GRIN2A: variants seen among roughly 807,000 people sequenced by gnomAD.
The protein encoded by GRIN2A is glutamate receptor ionotropic, NMDA 2A.
A neutral mutation model predicts 113.4 loss-of-function variants in GRIN2A; 22 were observed. That is an observed-to-expected ratio of 0.19 (90% CI 0.14 to 0.28). GRIN2A has a LOEUF of 0.28. GRIN2A is among the 10% of genes least tolerant of loss of function. GRIN2A has a pLI of 1.00. For missense variants in GRIN2A, 1,502 were observed against 1,887.0 expected (o/e 0.80, Z 3.78); for synonymous variants, 827 against 738.4 (o/e 1.12, Z -1.94).
chr16:9,941,453 C>T (rs1226177808), intron 2 of GRIN2A, among the ~76,000 whole-genome samples: 1 of 152,244 alleles, frequency 6.6e-6, no homozygotes, highest in East Asian at 1.9e-4. Context: ...TGGCCCAGAG[C>T]CAGCTCGGCA....
chr16:9,830,747 G>A (rs936855335), intron 8 of GRIN2A, among the ~76,000 whole-genome samples: 2 of 152,168 alleles, frequency 1.3e-5, no homozygotes, highest in East Asian at 3.9e-4. Context: ...GGCTACAGCT[G>A]TACTTATAAT....
chr16:10,019,560 TA>T (rs1419886776), intron 2 of GRIN2A, among the ~76,000 whole-genome samples: 2 of 152,232 alleles, frequency 1.3e-5, no homozygotes, highest in Non-Finnish European at 2.9e-5. Flanking sequence ...TCCTTGTACA[TA>T]AACAATTTAT....
intron 11 of GRIN2A, among the ~76,000 whole-genome samples, chr16:9,770,497 A>C (rs1901204122): frequency 6.6e-6 from 1 of 152,184 alleles, no homozygotes; most frequent in African/African-American, 2.4e-5. Context: ...GACCTTTTGG[A>C]GATGTTAAAT....
intron 3 of GRIN2A, among the ~76,000 whole-genome samples, chr16:9,906,885 C>T (rs1483202106): frequency 1.3e-5 from 2 of 152,148 alleles, no homozygotes; most frequent in African/African-American, 2.4e-5. Context: ...CTGTGTTGCC[C>T]AGGCTGGAGT....
Position 9,763,251 on chromosome 16 carries a change from A to G in GRIN2A, c.4293T>C (p.Tyr1431=), listed in dbSNP as rs748773555. 4.3e-6 allele frequency: 7 copies of G among 1,614,070 alleles called. No individual in the cohort carries two copies. The African/African-American group carries it at 9.3e-5, about 22-fold the overall frequency. Reference sequence around the variant, plus strand: ...AGTACATATTATTCTTATTTGCAGCATAAGGCATAACATGCTCCGAAATAT... The same window carrying G: ...AGTACATATTATTCTTATTTGCAGCGTAAGGCATAACATGCTCCGAAATAT... ...DVYISEHVMP[Y]AANKNNMYST... is the part of the protein sequence containing the mutation. The change falls in exon 13 of 13, where the codon TAT becomes TAC. Residue 1431 remains tyrosine, a synonymous_variant. Transcript: ENST00000330684.
chr16:9,821,526 T>A (rs1362241761), intron 10 of GRIN2A, among the ~76,000 whole-genome samples: 1 of 152,196 alleles, frequency 6.6e-6, no homozygotes. Flanking sequence ...GAATAGAATC[T>A]AACCTTTACA....
chr16:9,982,597 G>T (rs946390247), intron 2 of GRIN2A, among the ~76,000 whole-genome samples: 1 of 152,086 alleles, frequency 6.6e-6, no homozygotes, highest in African/African-American at 2.4e-5. Context: ...ATCCTCCAAG[G>T]GTTACCAATT....
chr16:10,018,881 C>T (rs1377488322), intron 2 of GRIN2A, among the ~76,000 whole-genome samples: 2 of 152,182 alleles, frequency 1.3e-5, no homozygotes, highest in Non-Finnish European at 2.9e-5. Context: ...ACAGCTCCAC[C>T]TTCCCAATCT....
intron 2 of GRIN2A, among the ~76,000 whole-genome samples, chr16:10,006,015 T>C (rs1419665463): frequency 6.6e-6 from 1 of 152,262 alleles, no homozygotes; most frequent in East Asian, 1.9e-4. Context: ...AAAGACTGTT[T>C]TCCTTTCAGT....
intron 2 of GRIN2A, among the ~76,000 whole-genome samples, chr16:9,979,351 A>G (rs1448111106): frequency 6.6e-6 from 1 of 152,140 alleles, no homozygotes; most frequent in African/African-American, 2.4e-5. Context: ...ATTTTGCTCT[A>G]CAATAGACCT....
intron 2 of GRIN2A, among the ~76,000 whole-genome samples, chr16:10,160,557 T>G (rs2049790038): frequency 6.6e-6 from 1 of 152,246 alleles, no homozygotes; most frequent in South Asian, 2.1e-4. Flanking sequence ...TCATGTCATC[T>G]CTGCATTGTT....
intron 5 of GRIN2A, among the ~76,000 whole-genome samples, chr16:9,843,115 C>T (rs181473746): frequency 9.2e-4 from 138 of 150,140 alleles, no homozygotes; most frequent in African/African-American, 3.2e-3. Context: ...AAGGAGGAAA[C>T]GAGGAAAGGA....
At chr16:9,894,112 A>T (rs1003082870) in intron 3 of GRIN2A, among the ~76,000 whole-genome samples, 1 of 152,182 alleles carries the variant, frequency 6.6e-6, no homozygotes, top group African/African-American at 2.4e-5. Context: ...TTGAGGCAGG[A>T]GAAAGCATTC....
At chr16:10,179,893 C>CCCAAAACAAA in intron 2 of GRIN2A, 105 bp downstream of exon 2, 2 of 719,818 alleles carry the variant, frequency 2.8e-6, no homozygotes, top group East Asian at 3.6e-5. Context: ...CCCCCACCCC[C>CCCAAAACAAA]ACTTCACATC....
chr16:10,175,039 A>G (rs963387985), intron 2 of GRIN2A, among the ~76,000 whole-genome samples: 2 of 152,232 alleles, frequency 1.3e-5, no homozygotes, highest in African/African-American at 4.8e-5. Context: ...ATACTCACCA[A>G]TGTATTACAG....
At chr16:10,093,516 A>G (rs997574920) in intron 2 of GRIN2A, among the ~76,000 whole-genome samples, 1 of 152,122 alleles carries the variant, frequency 6.6e-6, no homozygotes, top group African/African-American at 2.4e-5. Context: ...CCTTCACTCA[A>G]GTGACAGTAT....
intron 2 of GRIN2A, among the ~76,000 whole-genome samples, chr16:10,159,872 A>G (rs1202596384): frequency 1.3e-5 from 2 of 152,194 alleles, no homozygotes; most frequent in African/African-American, 4.8e-5. Flanking sequence ...CCACCCAAAG[A>G]AGGCCAGATA....
intron 2 of GRIN2A, among the ~76,000 whole-genome samples, chr16:9,950,003 C>A (rs1190915429): frequency 2.0e-5 from 3 of 152,098 alleles, no homozygotes; most frequent in Non-Finnish European, 4.4e-5. Flanking sequence ...CAAACTCTCA[C>A]AATCTGAAGG....
chr16:9,918,198 A>G (rs1263108674), intron 3 of GRIN2A, among the ~76,000 whole-genome samples: 1 of 152,242 alleles, frequency 6.6e-6, no homozygotes, highest in African/African-American at 2.4e-5. Flanking sequence ...CTCACAGCTA[A>G]TAAGTGGCAG....
Sources: allele counts gnomAD v4.1 joint callset (sites outside exome capture counted in the v4.1 genomes callset), GRCh38; gene constraint gnomAD v4.1.1; transcripts MANE v1.5; gene names NCBI Gene and HGNC (gene_info 2026-07-23, HGNC 2026-07-21).